Variants in INPP5B observed in about 807,000 individuals in gnomAD.
The protein encoded by INPP5B is inositol polyphosphate-5-phosphatase B, also known as type II inositol 1,4,5-trisphosphate 5-phosphatase.
A neutral mutation model predicts 118.5 loss-of-function variants in INPP5B; 90 were observed. The observed-to-expected ratio is 0.76, with a 90% confidence interval of 0.64 to 0.90. The LOEUF is 0.90. INPP5B is among the 40% of genes least tolerant of loss of function. The pLI, the probability that INPP5B is intolerant of heterozygous loss-of-function variation, is 0.00. For synonymous variants in INPP5B, 385 were observed against 418.9 expected (o/e 0.92, Z 0.99); for missense variants, 984 against 1,125.6 (o/e 0.87, Z 1.80).
intron 7 of INPP5B, among the ~76,000 whole-genome samples, chr1:37,906,513 C>G (rs1016525500): frequency 6.6e-6 from 1 of 152,046 alleles, no homozygotes; most frequent in Non-Finnish European, 1.5e-5. Flanking sequence ...CATGATTTGT[C>G]TTTAGTAAAA....
At position 37,884,808 on chromosome 1, in the gene INPP5B, A is replaced by G. The variant is rs1274412098; in HGVS notation, c.1319+830T>C. Among the ~76,000 whole-genome samples the G allele has an allele frequency of 3.3e-5, 5 of 151,888 alleles. No individual in the cohort carries two copies. The East Asian group carries it at 9.7e-4, about 30-fold the overall frequency. ...TCTACTCAAAATACAAAAATTATCC[A>G]GGCCTGGTGGCACGCACCTGTAGTC... On this transcript the variant is annotated intron_variant, in intron 13 of 23. Transcript: ENST00000373024.
Position 37,880,111 on chromosome 1 carries a change from A to T in INPP5B, c.1515T>A (p.Asp505Glu). Residue 505 changes from aspartate (D) to glutamate (E), a missense_variant, in exon 15 of 24, where the codon GAT (aspartate) becomes GAA (glutamate). Physicochemically the swap from Asp to Glu is conservative, Grantham distance 45. This residue lies in a region of INPP5B where 634 missense variants were observed against 791.0 expected (regional missense o/e 0.80). Transcript: ENST00000373024. Reference protein sequence around the residue: ...ELTFQPTYKYDTGSDDWDTSE... With the variant: ...ELTFQPTYKYETGSDDWDTSE... The stretch of plus-strand genomic sequence containing the variant: ...TGGTATCCCAGTCGTCAGAGCCCGT[A>T]TCATACTTGTAAGTAGGCTGGAATG... 1.9e-6 allele frequency: 3 copies of T among 1,611,028 alleles called. No individual in the cohort carries two copies. Among genetic ancestry groups the T allele is most frequent in the Non-Finnish European group, 2.5e-6 (3 of 1,177,690 alleles).
chr1:37,895,802 C>T (rs1172397438), intron 7 of INPP5B, among the ~76,000 whole-genome samples: 4 of 152,206 alleles, frequency 2.6e-5, no homozygotes, highest in Non-Finnish European at 5.9e-5. Flanking sequence ...GACGGAGTCT[C>T]GTTCACTCAG....
At chr1:37,925,377 C>A (rs1645190294) in intron 7 of INPP5B, among the ~76,000 whole-genome samples, 1 of 151,962 alleles carries the variant, frequency 6.6e-6, no homozygotes, top group Non-Finnish European at 1.5e-5. Context: ...TATGGATCAC[C>A]AATAACAAAA....
chr1:37,932,497 T>G (rs955247403), intron 6 of INPP5B, among the ~76,000 whole-genome samples: 6 of 151,246 alleles, frequency 4.0e-5, no homozygotes, highest in African/African-American at 1.5e-4. Flanking sequence ...GCCTCCCGAG[T>G]AGCTGGGACT....
At chr1:37,887,264 AT>A in intron 11 of INPP5B, 86 bp downstream of exon 11, 1 of 900,472 alleles carries the variant, frequency 1.1e-6, no homozygotes, top group Non-Finnish European at 1.8e-6. Flanking sequence ...CTGGCTTAAG[AT>A]AAAGGTCATG....
chr1:37,886,111 A>C lies in INPP5B; in HGVS notation c.1132-286T>G, dbSNP rs970641051. On this transcript the variant is annotated intron_variant, in intron 12 of 23. Coordinates refer to ENST00000373024, the MANE Select transcript of INPP5B (RefSeq NM_005540.3). ...AGCACTGGTTGAACGCGGGAGGGAG[A>C]GGTTGCAGTGAGCTGAGATCACGCC... Among the ~76,000 whole-genome samples, 8 of 151,702 alleles carry C rather than the reference A, an allele frequency of 5.3e-5. No homozygotes were observed. In the East Asian group the frequency reaches 1.5e-3, roughly 29 times the overall value.
chr1:37,895,668 A>C (rs904810159), intron 7 of INPP5B, among the ~76,000 whole-genome samples: 5 of 151,974 alleles, frequency 3.3e-5, no homozygotes, highest in African/African-American at 4.8e-5. Context: ...GCGCGCCGCC[A>C]CGCCTGACTG....
At chr1:37,890,606 A>G (rs930676162) in intron 8 of INPP5B, among the ~76,000 whole-genome samples, 1 of 152,154 alleles carries the variant, frequency 6.6e-6, no homozygotes, top group Admixed American at 6.6e-5. Context: ...ATATTTATAT[A>G]ATAACACACC....
intron 7 of INPP5B, among the ~76,000 whole-genome samples, chr1:37,899,297 A>G (rs2148558489): frequency 6.6e-6 from 1 of 152,128 alleles, no homozygotes; most frequent in East Asian, 1.9e-4. Context: ...GCAGTGGCTC[A>G]CACCTGTAAT....
At chr1:37,882,992 A>G in intron 13 of INPP5B, 74 bp from the exon 14 acceptor site, 1 of 1,571,608 alleles carries the variant, frequency 6.4e-7, no homozygotes, top group Non-Finnish European at 8.6e-7. Context: ...TGCTTCTGAC[A>G]AAGGCCCCTG....
chr1:37,880,729 A>G (rs1365112403), intron 14 of INPP5B, among the ~76,000 whole-genome samples: 3 of 150,116 alleles, frequency 2.0e-5, no homozygotes, highest in African/African-American at 7.4e-5. Context: ...CACAGCGCCT[A>G]GCCTAATGTT....
chr1:37,872,914 G>T lies in INPP5B; in HGVS notation c.2187+16C>A. ...GCTACAAAGTTCTAGATGTTTCTTTGTGGCATATTACTCACCAGCTCACTA... is the reference window on the plus strand; with the variant it reads ...GCTACAAAGTTCTAGATGTTTCTTTTTGGCATATTACTCACCAGCTCACTA... On this transcript the variant is annotated intron_variant, in intron 19 of 23. Transcript: ENST00000373024. The T allele has an allele frequency of 6.3e-7, 1 of 1,576,924 alleles. No individual in the cohort carries two copies. Among genetic ancestry groups the T allele is most frequent in the Admixed American group, 1.7e-5 (1 of 59,100 alleles).
rs1642765671 is a variant in INPP5B, at chr1:37,875,826, A to G, written c.1678-110T>C. On this transcript the variant is annotated intron_variant, in intron 16 of 23. Transcript: ENST00000373024. Reference sequence around the variant, plus strand: ...AAATAGCAGTTGATAGCAACACAGAAAACAAAGGCTATAGATTTAGTTAAT... The same window carrying G: ...AAATAGCAGTTGATAGCAACACAGAGAACAAAGGCTATAGATTTAGTTAAT... 3 of 704,018 alleles carry G rather than the reference A, an allele frequency of 4.3e-6. No individual in the cohort carries two copies. The Admixed American group carries it at 7.2e-5, about 17-fold the overall frequency. 43.6% of individuals were successfully genotyped at this position (704,018 alleles called of 1,614,324 possible).
In INPP5B at chr1:37,868,570, A is replaced by G. The variant is rs1374624818; in HGVS notation, c.2232T>C (p.Asp744=). ...GCTCTTTGGGGATTTCCATGGGGCT[A>G]TCCAACTGGCTCCCATCATCTCCAG... is the stretch of plus-strand genomic sequence containing the variant. ...VWTGDDGSQL[D]SPMEIPKELW... is the part of the protein sequence containing the mutation. Residue 744 remains aspartate, a synonymous_variant, in exon 20 of 24, where the codon GAT becomes GAC. Transcript: ENST00000373024. The G allele has an allele frequency of 4.3e-6, 7 of 1,613,906 alleles. No homozygotes were observed. The highest frequency in any genetic ancestry group is 1.3e-5 in the African/African-American group (1 of 74,920).
chr1:37,895,937 C>T lies in INPP5B; in HGVS notation c.533-4483G>A, dbSNP rs1423650586. On this transcript the variant is annotated intron_variant, in intron 7 of 23. Transcript: ENST00000373024. ...TGCAGCCTCTGCCCGGCCACCACCC[C>T]GTCTGGGAAGTGAGGAGCGTCTCCG... 1.2e-4 allele frequency among the ~76,000 whole-genome samples: 18 copies of T among 152,294 alleles called. No homozygotes were observed. The South Asian group carries it at 1.5e-3, about 12-fold the overall frequency.
intron 7 of INPP5B, among the ~76,000 whole-genome samples, chr1:37,928,294 C>T (rs1180632175): frequency 6.6e-6 from 1 of 152,156 alleles, no homozygotes; most frequent in Non-Finnish European, 1.5e-5. Flanking sequence ...CTGCCTCAGC[C>T]TCCCAAGTAG....
At chr1:37,881,221 G>T (rs1258573691) in intron 14 of INPP5B, among the ~76,000 whole-genome samples, 1 of 152,218 alleles carries the variant, frequency 6.6e-6, no homozygotes, top group East Asian at 1.9e-4. Context: ...ATGCGAACTG[G>T]GGGAAGCTCT....
chr1:37,865,384 A>G (rs1312366800), intron 22 of INPP5B, among the ~76,000 whole-genome samples: 1 of 152,236 alleles, frequency 6.6e-6, no homozygotes, highest in Non-Finnish European at 1.5e-5. Context: ...GTCACATGAC[A>G]ATAGCTTTAG....
Sources: gnomAD v4.1 joint callset for allele counts (sites outside exome capture counted in the v4.1 genomes callset) on GRCh38, gnomAD v4.1.1 for gene constraint, gnomAD v4.1.1 regional missense constraint, MANE v1.5 for transcripts, NCBI Gene and HGNC (gene_info 2026-07-23, HGNC 2026-07-21) for gene names.